Variants in NAALADL2 observed in about 807,000 individuals in gnomAD.
NAALADL2 encodes the protein inactive N-acetylated-alpha-linked acidic dipeptidase-like protein 2.
NAALADL2 carries 76 observed loss-of-function variants against 87.2 expected under a neutral mutation model. That is an observed-to-expected ratio of 0.87 (90% CI 0.72 to 1.05). NAALADL2 has a LOEUF of 1.05. Among genes scored for constraint, NAALADL2 ranks in the 50% least tolerant of loss-of-function variants. NAALADL2 has a pLI of 0.00. For synonymous variants in NAALADL2, 354 were observed against 331.0 expected (o/e 1.07, Z -0.75); for missense variants, 1,089 against 945.8 (o/e 1.15, Z -1.99).
intron 13 of NAALADL2, among the ~76,000 whole-genome samples, chr3:175,798,483 C>A (rs147898645): frequency 6.6e-6 from 1 of 151,966 alleles, no homozygotes; most frequent in Admixed American, 6.6e-5. Context: ...TAGCTACTTG[C>A]AGAATTTCAC....
At chr3:174,863,565 A>T (rs1043851122) in intron 1 of NAALADL2, among the ~76,000 whole-genome samples, 27 of 151,928 alleles carry the variant, frequency 1.8e-4, no homozygotes, top group African/African-American at 6.3e-4. Flanking sequence ...AATTCTATTT[A>T]AAATAAGTAA....
intron 2 of NAALADL2, among the ~76,000 whole-genome samples, chr3:174,610,412 C>T (rs1719694287): frequency 6.6e-6 from 1 of 151,528 alleles, no homozygotes; most frequent in South Asian, 2.1e-4. Flanking sequence ...TCGCAACCTA[C>T]TCATCTGACA....
At chr3:175,772,616 C>T (rs1439143544) in intron 13 of NAALADL2, among the ~76,000 whole-genome samples, 1 of 152,160 alleles carries the variant, frequency 6.6e-6, no homozygotes, top group Non-Finnish European at 1.5e-5. Flanking sequence ...GGACTAAAGT[C>T]CTTCCTCATA....
chr3:175,174,427 T>C (rs1201352157), intron 2 of NAALADL2, among the ~76,000 whole-genome samples: 1 of 152,156 alleles, frequency 6.6e-6, no homozygotes, highest in African/African-American at 2.4e-5. Context: ...AAAGCAATAT[T>C]TGTGCAATTA....
At position 175,374,651 on chromosome 3, in the gene NAALADL2, T is replaced by C. The variant is rs185072725; in HGVS notation, c.1090+50326T>C. 3.5e-3 allele frequency among the ~76,000 whole-genome samples: 508 copies of C among 146,694 alleles called. 1 individual carries two copies. The highest frequency in any genetic ancestry group is 6.0e-3 in the Non-Finnish European group (406 of 67,224). On this transcript the variant is annotated intron_variant, in intron 5 of 13. Transcript: ENST00000454872. ...ACTTTGGGAGGCTGAGGCAGGTGGA[T>C]CACTTGAGCCCAGGAGTTTGAGACC...
At chr3:174,734,690 T>C (rs1733019232) in intron 2 of NAALADL2, among the ~76,000 whole-genome samples, 1 of 152,180 alleles carries the variant, frequency 6.6e-6, no homozygotes, top group Non-Finnish European at 1.5e-5. Flanking sequence ...GTTATCCTCA[T>C]CAAGCAGTTC....
At chr3:175,611,343 A>T (rs991604414) in intron 10 of NAALADL2, among the ~76,000 whole-genome samples, 4 of 152,086 alleles carry the variant, frequency 2.6e-5, no homozygotes, top group Non-Finnish European at 5.9e-5. Context: ...TTGAGAGAGA[A>T]TTGTCATTTG....
At chr3:175,493,808 A>G (rs1219611306) in intron 9 of NAALADL2, among the ~76,000 whole-genome samples, 1 of 152,132 alleles carries the variant, frequency 6.6e-6, no homozygotes, top group African/African-American at 2.4e-5. Context: ...CCTTATTAAA[A>G]ACTATTGTCG....
chr3:175,311,069 TTTCAC>T (rs1232203711), intron 4 of NAALADL2, among the ~76,000 whole-genome samples: 3 of 152,116 alleles, frequency 2.0e-5, no homozygotes, highest in African/African-American at 7.2e-5. Context: ...TCTTTATTCT[TTTCAC>T]TTCATAAACC....
chr3:175,282,027 G>A (rs962686492), intron 4 of NAALADL2, among the ~76,000 whole-genome samples: 2 of 151,904 alleles, frequency 1.3e-5, no homozygotes, highest in Non-Finnish European at 2.9e-5. Flanking sequence ...TAGGGATCAT[G>A]TTTTATACTT....
rs148787374 is a variant in NAALADL2 at position 175,522,076 on chromosome 3, A to G, written c.1653+50318A>G. Among the ~76,000 whole-genome samples, 3 of 152,198 alleles carry G rather than the reference A, an allele frequency of 2.0e-5. No individual in the cohort carries two copies. In the East Asian group the frequency reaches 5.8e-4, roughly 29 times the overall value. On this transcript the variant is annotated intron_variant, in intron 9 of 13. Transcript: ENST00000454872. ...AGTGCATGATATGAAGATTGTATTT[A>G]ATTTTCCTATTAGCTATAAAAACAG...
At chr3:174,605,178 G>T (rs915545344) in intron 2 of NAALADL2, among the ~76,000 whole-genome samples, 2 of 152,170 alleles carry the variant, frequency 1.3e-5, no homozygotes, top group African/African-American at 4.8e-5. Flanking sequence ...AAAACTAGGG[G>T]GTCGAGCCAA....
chr3:175,118,800 T>G (rs1725682858), intron 2 of NAALADL2, among the ~76,000 whole-genome samples: 1 of 151,798 alleles, frequency 6.6e-6, no homozygotes, highest in South Asian at 2.1e-4. Context: ...ATTTATCTCC[T>G]AAGCTTACTG....
chr3:174,482,508 T>TA (rs1456393284), intron 1 of NAALADL2, among the ~76,000 whole-genome samples: 1 of 152,080 alleles, frequency 6.6e-6, no homozygotes, highest in African/African-American at 2.4e-5. Flanking sequence ...TTATTGATGC[T>TA]AAAGAACTTA....
At chr3:174,480,076 G>A (rs370443091) in intron 1 of NAALADL2, among the ~76,000 whole-genome samples, 23 of 152,148 alleles carry the variant, frequency 1.5e-4, no homozygotes, top group African/African-American at 4.1e-4. Flanking sequence ...AGAAATAAAG[G>A]CGTGTGGCTT....
chr3:175,241,971 C>A (rs1309414712), intron 3 of NAALADL2, among the ~76,000 whole-genome samples: 1 of 143,974 alleles, frequency 6.9e-6, no homozygotes, highest in East Asian at 2.3e-4. Context: ...ATGTGATTCT[C>A]TTGCCTCAGC....
At chr3:175,178,505 C>T (rs557038441) in intron 2 of NAALADL2, among the ~76,000 whole-genome samples, 99 of 152,104 alleles carry the variant, frequency 6.5e-4, no homozygotes, top group African/African-American at 2.3e-3. Context: ...GAGTTTATTA[C>T]AGATAGAGTC....
chr3:175,594,850 A>G (rs1722034900), intron 10 of NAALADL2, among the ~76,000 whole-genome samples: 2 of 151,584 alleles, frequency 1.3e-5, no homozygotes, highest in Non-Finnish European at 1.5e-5. Context: ...TAATGGGGTT[A>G]TTTTTTGCTT....
intron 10 of NAALADL2, among the ~76,000 whole-genome samples, chr3:175,595,581 T>TTC (rs1722145754): frequency 6.6e-6 from 1 of 151,894 alleles, no homozygotes; most frequent in South Asian, 2.1e-4. Context: ...TCAGTAGCAT[T>TTC]TCTAAACACC....
Sources: gnomAD v4.1 joint callset for allele counts (sites outside exome capture counted in the v4.1 genomes callset) on GRCh38, gnomAD v4.1.1 for gene constraint, MANE v1.5 for transcripts, NCBI Gene and HGNC (gene_info 2026-07-23, HGNC 2026-07-21) for gene names.